The following PFKFB1 variants were observed in gnomAD, a reference collection of about 807,000 sequenced individuals.
PFKFB1 encodes 6-phosphofructo-2-kinase/fructose-2,6-bisphosphatase 1.
A neutral mutation model predicts 46.4 loss-of-function variants in PFKFB1; 34 were observed. The observed-to-expected ratio is 0.73, with a 90% CI of 0.56 to 0.98. PFKFB1 has a LOEUF of 0.98. Ranked by LOEUF, PFKFB1 falls within the 50% of genes least tolerant of loss-of-function variation. The probability of loss-of-function intolerance (pLI) is 0.00; values close to 1 mark genes in which losing one functional copy is unlikely to be tolerated. For missense variants in PFKFB1, 393 were observed against 376.3 expected, an observed-to-expected ratio of 1.04 and a Z score of -0.37; for synonymous variants, 119 against 133.8, an observed-to-expected ratio of 0.89 and a Z score of 0.76.
intron 11 of PFKFB1, among the ~76,000 whole-genome samples, chrX:54,937,070 A>G (rs186975716): frequency 3.7e-4 from 41 of 111,478 alleles, no homozygotes; most frequent in Admixed American, 1.6e-3. Context: ...TTTTTTAAAA[A>G]TAAATTATCA....
At chrX:54,958,996 C>G (rs1214332345) in intron 4 of PFKFB1, 71 bp from the exon 5 acceptor site, 1 of 668,294 alleles carries the variant, frequency 1.5e-6, no homozygotes, top group African/African-American at 2.1e-5. Flanking sequence ...TTGCCCATCC[C>G]TGTGCTAAGT....
At chrX:54,994,458 G>A (rs1427589195), upstream of PFKFB1, 19 of 752,560 alleles carry the variant, frequency 2.5e-5, no homozygotes, top group Admixed American at 8.7e-5. Flanking sequence ...CAAAGGTGAT[G>A]GAGGTAGGTC....
At chrX:54,983,657 G>A (rs749008303) in intron 1 of PFKFB1, among the ~76,000 whole-genome samples, 5 of 112,102 alleles carry the variant, frequency 4.5e-5, no homozygotes, top group African/African-American at 1.6e-4. Context: ...ATAATAGAAC[G>A]ATTTATATCC....
chrX:54,954,511 T>C (rs967539563), intron 7 of PFKFB1, among the ~76,000 whole-genome samples: 4 of 112,152 alleles, frequency 3.6e-5, no homozygotes, highest in African/African-American at 1.3e-4. Context: ...GGACTCTGTC[T>C]CAAAAATTAA....
intron 10 of PFKFB1, among the ~76,000 whole-genome samples, chrX:54,938,387 C>T (rs2146591503): frequency 8.9e-6 from 1 of 112,202 alleles, no homozygotes; most frequent in South Asian, 3.7e-4. Flanking sequence ...CAAATTCACA[C>T]ATAACAATAT....
At chrX:54,973,115 A>G (rs952082830) in intron 1 of PFKFB1, among the ~76,000 whole-genome samples, 2 of 111,827 alleles carry the variant, frequency 1.8e-5, no homozygotes. Context: ...TAGATTTTCT[A>G]GTTTATTTGC....
rs147927394 is a variant in PFKFB1 at position 54,958,729 on chromosome X, A to G, written c.459+122T>C. 4.1e-5 allele frequency: 20 copies of G among 485,598 alleles called. No homozygotes were observed. The East Asian group carries it at 6.8e-4, about 17-fold the overall frequency. The allele number at this position is 485,598 out of a possible 1,213,427, so 40.0% of individuals were successfully genotyped here. A position where few individuals can be genotyped will look rare whatever the true frequency, so the allele number is the denominator to read the frequency against. On this transcript the variant is annotated intron_variant, in intron 5 of 13. Transcript: ENST00000375006. ...TGACTATATCCTGGAAAGTTAGAGA[A>G]CCAAATTAAAATGTTGAGCTTATGG...
chrX:54,933,328 G>A lies in PFKFB1; in HGVS notation c.*75C>T. On this transcript the variant is annotated 3_prime_UTR_variant, in exon 14 of 14. Coordinates refer to ENST00000375006, the MANE Select transcript of PFKFB1 (RefSeq NM_002625.4). ...CCTCAGTGAGGCCAAGGCAGAGTAG[G>A]AGAAGAGCAAAGATAGCATTTCCTA... The A allele has an allele frequency of 1.1e-6, 1 of 894,477 alleles. No individual in the cohort carries two copies. 73.7% of individuals were successfully genotyped at this position (894,477 alleles called of 1,213,427 possible).
rs749694744 is a variant in PFKFB1, at chrX:54,942,043, C to T, written c.1098+3396G>A. On this transcript the variant is annotated intron_variant, in intron 10 of 13. Transcript: ENST00000375006. The stretch of plus-strand genomic sequence containing the variant: ...ATTAAGAAAATGTGGCACATATACA[C>T]CATGAAATACTATGCAGCCATAAAA... Among the ~76,000 whole-genome samples the T allele has an allele frequency of 1.1e-4, 12 of 112,197 alleles. No individual in the cohort carries two copies. In the South Asian group the frequency reaches 4.1e-3, roughly 38 times the overall value.
chrX:54,965,908 A>G (rs1488250486), intron 1 of PFKFB1, among the ~76,000 whole-genome samples: 1 of 111,064 alleles, frequency 9.0e-6, no homozygotes, highest in Non-Finnish European at 1.9e-5. Context: ...GTTTCTTTAT[A>G]AGATATCTAA....
intron 10 of PFKFB1, among the ~76,000 whole-genome samples, chrX:54,938,247 C>T (rs1933477424): frequency 9.0e-6 from 1 of 111,723 alleles, no homozygotes; most frequent in African/African-American, 3.3e-5. Context: ...ATCTGAGATG[C>T]TCAAAGGCCA....
chrX:54,997,335 G>A (rs932363886), upstream of PFKFB1, among the ~76,000 whole-genome samples: 2 of 111,652 alleles, frequency 1.8e-5, no homozygotes, highest in African/African-American at 6.5e-5. Flanking sequence ...TCGTGGCAGA[G>A]AAAGGGTTCA....
intron 11 of PFKFB1, 62 bp downstream of exon 11, chrX:54,937,533 A>C (rs926315024): frequency 9.5e-7 from 1 of 1,049,790 alleles, no homozygotes. Context: ...TAGATATCTA[A>C]TTGTTGGTGT....
intron 8 of PFKFB1, among the ~76,000 whole-genome samples, 156 bp from the exon 9 acceptor site, chrX:54,949,377 A>G (rs1933898313): frequency 9.1e-6 from 1 of 109,616 alleles, no homozygotes; most frequent in Admixed American, 9.8e-5. Flanking sequence ...AAAAAGCCAT[A>G]CTCTTTCCAA....
chrX:54,939,207 C>T (rs1204823919), intron 10 of PFKFB1, among the ~76,000 whole-genome samples: 3 of 111,407 alleles, frequency 2.7e-5, no homozygotes, highest in Non-Finnish European at 5.6e-5. Context: ...AGAACAAAGA[C>T]ACAACATACC....
intron 1 of PFKFB1, among the ~76,000 whole-genome samples, chrX:54,980,154 T>C (rs973861241): frequency 9.0e-6 from 1 of 111,574 alleles, no homozygotes; most frequent in African/African-American, 3.3e-5. Flanking sequence ...TTAGAGATAC[T>C]GAGCCAGAGG....
chrX:54,969,003 A>G (rs771561010), intron 1 of PFKFB1, among the ~76,000 whole-genome samples: 1 of 112,048 alleles, frequency 8.9e-6, no homozygotes, highest in South Asian at 3.7e-4. Flanking sequence ...TATATATAAA[A>G]TAGATAATTA....
intron 1 of PFKFB1, among the ~76,000 whole-genome samples, chrX:54,992,941 A>G (rs1328799272): frequency 9.0e-6 from 1 of 111,350 alleles, no homozygotes; most frequent in Non-Finnish European, 1.9e-5. Context: ...GTATATTATA[A>G]CTATATTTAA....
intron 1 of PFKFB1, among the ~76,000 whole-genome samples, chrX:54,989,230 T>C (rs1044233436): frequency 8.9e-6 from 1 of 111,856 alleles, no homozygotes; most frequent in Non-Finnish European, 1.9e-5. Context: ...ATGTGAATTA[T>C]ATCTCTATCA....
Sources: allele counts gnomAD v4.1 joint callset (sites outside exome capture counted in the v4.1 genomes callset), GRCh38; gene constraint gnomAD v4.1.1; transcripts MANE v1.5; gene names NCBI Gene and HGNC (gene_info 2026-07-23, HGNC 2026-07-21).